DIAPH1: variants seen among roughly 807,000 people sequenced by gnomAD.
The protein encoded by DIAPH1 is diaphanous related formin 1.
Under a neutral mutation model 140.7 loss-of-function variants are expected in DIAPH1, and 46 were observed. The observed-to-expected ratio is 0.33, with a 90% CI of 0.26 to 0.42. The LOEUF (loss-of-function observed/expected upper bound fraction) is 0.42. Ranked by LOEUF, DIAPH1 falls within the 10% of genes least tolerant of loss-of-function variation. The probability of loss-of-function intolerance (pLI) is 1.00; values close to 1 mark genes in which losing one functional copy is unlikely to be tolerated. For missense variants in DIAPH1, 1,310 were observed against 1,558.7 expected (o/e 0.84, Z 2.69); for synonymous variants, 565 against 551.6 (o/e 1.02, Z -0.34).
chr5:141,590,721 T>C (rs1372263269), intron 1 of DIAPH1, among the ~76,000 whole-genome samples: 1 of 151,008 alleles, frequency 6.6e-6, no homozygotes, highest in Non-Finnish European at 1.5e-5. Context: ...GCTGAATTGT[T>C]CACAGCTGAA....
At chr5:141,525,951 AGACATGAGACTCT>A in intron 26 of DIAPH1, 74 bp downstream of exon 26, 2 of 1,601,092 alleles carry the variant, frequency 1.2e-6, no homozygotes, top group Non-Finnish European at 1.7e-6. Context: ...AGGTGAGCTC[AGACATGAGACTCT>A]GCCTCTAGAC....
intron 18 of DIAPH1, chr5:141,560,882 GT>G: frequency 2.2e-6 from 1 of 454,606 alleles, no homozygotes; most frequent in Non-Finnish European, 4.4e-6. Flanking sequence ...TCATACTGCT[GT>G]TTTTTTCCCT....
rs753783398 is a variant in DIAPH1 at position 141,527,651 on chromosome 5, T to C, written c.3195A>G (p.Gln1065=). 16 of 1,611,430 alleles carry C rather than the reference T, an allele frequency of 9.9e-6. No individual in the cohort carries two copies. The African/African-American group carries it at 1.2e-4, about 12-fold the overall frequency. Residue 1065 remains glutamine (Q), a synonymous_variant, in exon 24 of 28, where the codon CAA becomes CAG. Transcript: ENST00000389054. ...LQKNLDQMKK[Q]ISDVERDVQN... ...GAACATCACGTTCCACATCAGAAAT[T>C]TGTTTCTTCATCTGATCTAGGTTCT... is the stretch of plus-strand genomic sequence containing the variant.
chr5:141,536,535 ACT>A (rs1323749559), intron 18 of DIAPH1, among the ~76,000 whole-genome samples: 1 of 152,156 alleles, frequency 6.6e-6, no homozygotes, highest in African/African-American at 2.4e-5. Context: ...AAAATAGTAT[ACT>A]ATATTATCAT....
intron 24 of DIAPH1, 51 bp from the exon 25 acceptor site, chr5:141,526,512 T>C: frequency 6.2e-7 from 1 of 1,608,370 alleles, no homozygotes; most frequent in Non-Finnish European, 8.5e-7. Flanking sequence ...GCAGACCCAC[T>C]TCTCTAGCCC....
intron 26 of DIAPH1, among the ~76,000 whole-genome samples, chr5:141,525,182 T>C (rs959597160): frequency 6.6e-5 from 10 of 152,024 alleles, no homozygotes; most frequent in African/African-American, 2.4e-4. Context: ...TACAGAAAAG[T>C]ATAAAAAGTC....
chr5:141,607,414 A>G (rs1202104119), intron 1 of DIAPH1, among the ~76,000 whole-genome samples: 2 of 152,254 alleles, frequency 1.3e-5, no homozygotes, highest in African/African-American at 4.8e-5. Flanking sequence ...AAAATCAAAT[A>G]AACTTAACTT....
intron 18 of DIAPH1, among the ~76,000 whole-genome samples, chr5:141,539,276 CAA>C (rs113967437): frequency 2.2e-5 from 3 of 135,324 alleles, no homozygotes; most frequent in East Asian, 4.2e-4. Context: ...GACCATGTGT[CAA>C]AAAAAAAAAA....
chr5:141,553,890 CAAGA>C (rs1236504765), intron 18 of DIAPH1, among the ~76,000 whole-genome samples: 1 of 151,850 alleles, frequency 6.6e-6, no homozygotes, highest in Non-Finnish European at 1.5e-5. Flanking sequence ...TATTTTAAAA[CAAGA>C]AAGAAAAACA....
At chr5:141,571,831 A>G (rs924054179) in intron 17 of DIAPH1, 95 bp downstream of exon 17, 2 of 897,722 alleles carry the variant, frequency 2.2e-6, no homozygotes, top group Non-Finnish European at 3.8e-6. Context: ...TACCCTTTCT[A>G]TCTTCACCCA....
intron 1 of DIAPH1, among the ~76,000 whole-genome samples, chr5:141,592,520 C>G (rs904205315): frequency 6.9e-6 from 1 of 144,426 alleles, no homozygotes; most frequent in African/African-American, 2.7e-5. Context: ...ACAACAACAA[C>G]AAAAACACAG....
At chr5:141,553,281 CTT>C (rs569275321) in intron 18 of DIAPH1, among the ~76,000 whole-genome samples, 1 of 141,594 alleles carries the variant, frequency 7.1e-6, no homozygotes. Flanking sequence ...GACAGGCTGT[CTT>C]TTTTTTTTGA....
chr5:141,558,962 A>T lies in DIAPH1; in HGVS notation c.2482+12466T>A, dbSNP rs77324346. Among the ~76,000 whole-genome samples, 192 of 152,150 alleles carry T rather than the reference A, an allele frequency of 1.3e-3. 1 individual carries two copies. The highest frequency in any genetic ancestry group is 4.4e-3 in the African/African-American group (184 of 41,520). ...TCTGGCATCACTATAGTTTTCTCTGAAGAAATAGGGTCTTTGTGGAAGAAT... is the reference window on the plus strand; with the variant it reads ...TCTGGCATCACTATAGTTTTCTCTGTAGAAATAGGGTCTTTGTGGAAGAAT... On this transcript the variant is annotated intron_variant, in intron 18 of 27. Coordinates refer to ENST00000389054, the MANE Select transcript of DIAPH1 (RefSeq NM_005219.5).
At position 141,557,216 on chromosome 5, in the gene DIAPH1, A is replaced by G. The variant is rs191544043; in HGVS notation, c.2482+14212T>C. ...GATAAAGAATTTTTTAAATGTGATA[A>G]TGGTAGTAATTATCTTCTTTTAAAA... On this transcript the variant is annotated intron_variant, in intron 18 of 27. Transcript: ENST00000389054. Among the ~76,000 whole-genome samples the G allele has an allele frequency of 7.7e-3, 1,167 of 152,290 alleles. 21 individuals are homozygous for G. Among genetic ancestry groups the G allele is most frequent in the African/African-American group, 0.027 (1,109 of 41,548 alleles).
At chr5:141,557,847 A>C (rs2099892881) in intron 18 of DIAPH1, 1 of 152,224 alleles carries the variant, frequency 6.6e-6, no homozygotes, top group Non-Finnish European at 1.5e-5. Flanking sequence ...ACTGCTGAGT[A>C]AAAGAGTACG....
chr5:141,524,818 A>C (rs989463458), intron 26 of DIAPH1: 1 of 160,000 alleles, frequency 6.3e-6, no homozygotes, highest in Non-Finnish European at 1.4e-5. Flanking sequence ...AGCTTAGGAT[A>C]GTGAAATCTG....
rs2099891125 is a variant in DIAPH1 at position 141,548,262 on chromosome 5, A to C, written c.2483-13829T>G. On this transcript the variant is annotated intron_variant, in intron 18 of 27. Transcript: ENST00000389054. ...TTATCTTCAAATGAAAAACAATAAG[A>C]CTGACAGTGGAATTCTTTAAAAAAA... Among the ~76,000 whole-genome samples, 5 of 150,516 alleles carry C rather than the reference A, an allele frequency of 3.3e-5. No homozygotes were observed. In the South Asian group the frequency reaches 1.1e-3, roughly 32 times the overall value.
At chr5:141,569,024 T>C (rs2099894777) in intron 18 of DIAPH1, among the ~76,000 whole-genome samples, 1 of 151,988 alleles carries the variant, frequency 6.6e-6, no homozygotes, top group South Asian at 2.1e-4. Flanking sequence ...TCACTTACTT[T>C]TTTTAATCTA....
chr5:141,585,018 A>C (rs1447891964), intron 3 of DIAPH1, among the ~76,000 whole-genome samples: 2 of 151,692 alleles, frequency 1.3e-5, no homozygotes, highest in African/African-American at 4.8e-5. Flanking sequence ...GCAATGGCAC[A>C]ATCTTGGCTC....
Sources: allele counts gnomAD v4.1 joint callset (sites outside exome capture counted in the v4.1 genomes callset), GRCh38; gene constraint gnomAD v4.1.1; transcripts MANE v1.5; gene names NCBI Gene and HGNC (gene_info 2026-07-23, HGNC 2026-07-21).